The following DDX60 variants were observed in gnomAD, a reference collection of about 807,000 sequenced individuals.
DDX60 encodes the protein probable ATP-dependent RNA helicase DDX60.
Under a neutral mutation model 212.8 loss-of-function variants are expected in DDX60, and 165 were observed. The observed-to-expected ratio is 0.78, with a 90% confidence interval of 0.68 to 0.88. The LOEUF (loss-of-function observed/expected upper bound fraction) is 0.88. DDX60 is among the 40% of genes least tolerant of loss of function. The pLI, the probability that DDX60 is intolerant of heterozygous loss-of-function variation, is 0.00. For synonymous variants in DDX60, 703 were observed against 685.3 expected, an observed-to-expected ratio of 1.03 and a Z score of -0.40; for missense variants, 1,905 against 2,003.9, an observed-to-expected ratio of 0.95 and a Z score of 0.94.
chr4:168,308,683 CTATA>C (rs1163782887), intron 3 of DDX60, among the ~76,000 whole-genome samples: 3 of 147,586 alleles, frequency 2.0e-5, no homozygotes, highest in Admixed American at 6.8e-5. Flanking sequence ...ATATTCTATA[CTATA>C]TATAGATATA....
chr4:168,300,785 T>C (rs1425811619), intron 6 of DDX60, among the ~76,000 whole-genome samples: 1 of 152,182 alleles, frequency 6.6e-6, no homozygotes, highest in Non-Finnish European at 1.5e-5. Flanking sequence ...AGAAAGTCAC[T>C]AGCCTGAATA....
chr4:168,241,040 G>A (rs1222666522), intron 30 of DDX60, among the ~76,000 whole-genome samples: 1 of 152,182 alleles, frequency 6.6e-6, no homozygotes, highest in Non-Finnish European at 1.5e-5. Flanking sequence ...TAGTGAATAT[G>A]TCTTATGAAA....
chr4:168,262,549 G>T, intron 23 of DDX60, 134 bp downstream of exon 23: 2 of 602,812 alleles, frequency 3.3e-6, no homozygotes, highest in East Asian at 6.3e-5. Flanking sequence ...TTAGAAATAT[G>T]AGAAGAGGCA....
intron 6 of DDX60, among the ~76,000 whole-genome samples, chr4:168,294,481 C>CATTT (rs4058259): frequency 0.049 from 7,284 of 149,244 alleles, 233 homozygotes; most frequent in East Asian, 0.09. Context: ...GCAAACGATA[C>CATTT]ATTTATTTAT....
chr4:168,264,310 G>A (rs964402377), intron 22 of DDX60, among the ~76,000 whole-genome samples: 27 of 152,212 alleles, frequency 1.8e-4, no homozygotes, highest in African/African-American at 5.5e-4. Flanking sequence ...AACAATTCCT[G>A]GAATCATCGT....
chr4:168,267,983 C>T lies in DDX60; in HGVS notation c.2787G>A (p.Glu929=). ...ATISNPEHLT[E]WLQSVKWYWK... ...AGTACCATTTTACCGATTGTAGCCA[C>T]CTTAAAAAATAAATGTACATATTAT... Residue 929 remains glutamate (E), a splice_region_variant and synonymous_variant, in exon 21 of 38, where the codon GAG becomes GAA. Transcript: ENST00000393743. 6.2e-7 allele frequency: 1 copy of T among 1,604,554 alleles called. No individual in the cohort carries two copies. Among genetic ancestry groups the T allele is most frequent in the Non-Finnish European group, 8.5e-7 (1 of 1,175,598 alleles).
chr4:168,221,459 G>A (rs555164038), intron 36 of DDX60, among the ~76,000 whole-genome samples: 13 of 152,234 alleles, frequency 8.5e-5, no homozygotes, highest in African/African-American at 3.1e-4. Context: ...CTATGAGCAT[G>A]TGCAAATATT....
Position 168,293,806 on chromosome 4 carries a change from T to C in DDX60, c.863A>G (p.Gln288Arg). 6.2e-7 allele frequency: 1 copy of C among 1,611,228 alleles called. No homozygotes were observed. Among genetic ancestry groups the C allele is most frequent in the Admixed American group, 1.7e-5 (1 of 59,200 alleles). ...FLGNREPSSG[Q>R]ETEIQQVNSN... ...CCACACCTGTTGGATCTCAGTTTCC[T>C]GACCAGAGGAGGGCTCTCTGTTTCC... Residue 288 changes from glutamine (Q) to arginine (R), a missense_variant, in exon 7 of 38, where the codon CAG becomes CGG. Physicochemically the swap from Gln to Arg is conservative, Grantham distance 43 (BLOSUM62 1). Coordinates refer to ENST00000393743, the MANE Select transcript of DDX60 (RefSeq NM_017631.6).
chr4:168,281,282 C>G (rs1178785755), intron 13 of DDX60, among the ~76,000 whole-genome samples: 1 of 152,210 alleles, frequency 6.6e-6, no homozygotes, highest in Admixed American at 6.5e-5. Context: ...CATCACCTCC[C>G]TGTTCTCTAC....
At chr4:168,217,127 T>C (rs116969087) in intron 37 of DDX60, 95 bp from the exon 38 acceptor site, 15,656 of 724,174 alleles carry the variant, frequency 0.022, 1,046 homozygotes, top group East Asian at 0.18. Flanking sequence ...GGAAATCCCA[T>C]CAGATGATGA....
rs1323685677 is a variant in DDX60, at chr4:168,252,566, C to G, written c.3648G>C (p.Lys1216Asn). ...TGCAGTCCTGTGGGATTTCCAGGTTCTTCTCTAGACACTTCACTAGATTAT... is the reference window on the plus strand; with the variant it reads ...TGCAGTCCTGTGGGATTTCCAGGTTGTTCTCTAGACACTTCACTAGATTAT... ...EHDNLVKCLE[K>N]NLEIPQDCTY... is the part of the protein sequence containing the mutation. The change falls in exon 27 of 38, where the codon AAG becomes AAC. Residue 1216 changes from lysine (K) to asparagine (N), a missense_variant. Physicochemically the swap from Lys to Asn is moderately conservative, Grantham distance 94 (BLOSUM62 0). Coordinates refer to ENST00000393743, the MANE Select transcript of DDX60 (RefSeq NM_017631.6). The G allele has an allele frequency of 6.2e-7, 1 of 1,613,820 alleles. No homozygotes were observed. Among genetic ancestry groups the G allele is most frequent in the Non-Finnish European group, 8.5e-7 (1 of 1,179,932 alleles).
intron 30 of DDX60, among the ~76,000 whole-genome samples, chr4:168,239,281 G>A (rs1411376203): frequency 6.6e-6 from 1 of 151,990 alleles, no homozygotes; most frequent in Non-Finnish European, 1.5e-5. Flanking sequence ...ATAGATGATT[G>A]ATAGATGTAG....
intron 17 of DDX60, 71 bp downstream of exon 17, chr4:168,273,863 T>A: frequency 6.6e-7 from 1 of 1,517,498 alleles, no homozygotes; most frequent in Non-Finnish European, 8.9e-7. Flanking sequence ...ATCTACCATG[T>A]GACCATGTTC....
intron 33 of DDX60, among the ~76,000 whole-genome samples, chr4:168,232,574 A>G (rs1185972845): frequency 6.6e-6 from 1 of 152,126 alleles, no homozygotes; most frequent in African/African-American, 2.4e-5. Context: ...CAGCCAACTG[A>G]TCTTTGACAA....
At chr4:168,278,527 A>G (rs958226321) in intron 14 of DDX60, among the ~76,000 whole-genome samples, 4 of 152,196 alleles carry the variant, frequency 2.6e-5, no homozygotes, top group African/African-American at 9.7e-5. Context: ...TGAAAAATAT[A>G]AAAAATACTG....
intron 33 of DDX60, among the ~76,000 whole-genome samples, chr4:168,235,595 T>C (rs567994573): frequency 2.6e-5 from 4 of 152,244 alleles, no homozygotes; most frequent in African/African-American, 2.4e-5. Context: ...TTAGAAAATA[T>C]ATACTAATTC....
chr4:168,289,995 G>A (rs187272683), intron 8 of DDX60, among the ~76,000 whole-genome samples: 35 of 152,292 alleles, frequency 2.3e-4, no homozygotes, highest in African/African-American at 7.9e-4. Flanking sequence ...TTCTGCAAAT[G>A]CAAGTGCCAC....
Position 168,217,892 on chromosome 4 carries a change from C to T in DDX60, c.5040-860G>A, listed in dbSNP as rs918708578. On this transcript the variant is annotated intron_variant, in intron 37 of 37. Coordinates refer to ENST00000393743, the MANE Select transcript of DDX60 (RefSeq NM_017631.6). ...CAACTGGATTGAGCCCAAGAAGACA[C>T]ATTTTGGACTTCTGACCTCCAGAAT... Among the ~76,000 whole-genome samples the T allele has an allele frequency of 5.3e-5, 8 of 152,158 alleles. No homozygotes were observed. In the South Asian group the frequency reaches 8.3e-4, roughly 16 times the overall value.
At chr4:168,318,089 G>A (rs559376213) in intron 1 of DDX60, among the ~76,000 whole-genome samples, 5 of 152,268 alleles carry the variant, frequency 3.3e-5, no homozygotes, top group Admixed American at 2.6e-4. Flanking sequence ...CCTGCCCCTT[G>A]ACCAGGAATA....
Sources: allele counts gnomAD v4.1 joint callset (sites outside exome capture counted in the v4.1 genomes callset), GRCh38; gene constraint gnomAD v4.1.1; transcripts MANE v1.5; gene names NCBI Gene and HGNC (gene_info 2026-07-23, HGNC 2026-07-21).